CACNA2D3: variants seen among roughly 807,000 people sequenced by gnomAD.
The protein encoded by CACNA2D3 is voltage-dependent calcium channel subunit alpha-2/delta-3.
CACNA2D3 carries 60 observed loss-of-function variants against 160.6 expected under a neutral mutation model. That is an observed-to-expected ratio of 0.37 (90% CI 0.30 to 0.46). The LOEUF is 0.46. CACNA2D3 is among the 20% of genes least tolerant of loss of function. The probability of loss-of-function intolerance (pLI) is 1.00; values close to 1 mark genes in which losing one functional copy is unlikely to be tolerated. For missense variants in CACNA2D3, 1,205 were observed against 1,365.0 expected, an observed-to-expected ratio of 0.88 and a Z score of 1.85; for synonymous variants, 558 against 492.9, an observed-to-expected ratio of 1.13 and a Z score of -1.75.
chr3:54,930,049 A>T (rs893657225), intron 27 of CACNA2D3, among the ~76,000 whole-genome samples: 2 of 152,208 alleles, frequency 1.3e-5, no homozygotes, highest in African/African-American at 4.8e-5. Context: ...CATTGCAATT[A>T]TTGGACTCTG....
At chr3:54,286,544 G>T (rs1703032079) in intron 2 of CACNA2D3, among the ~76,000 whole-genome samples, 1 of 152,140 alleles carries the variant, frequency 6.6e-6, no homozygotes, top group Non-Finnish European at 1.5e-5. Flanking sequence ...ATCTAGCAAG[G>T]CAGGCCAATA....
chr3:54,192,597 C>T (rs1328052788), intron 2 of CACNA2D3, among the ~76,000 whole-genome samples: 1 of 152,056 alleles, frequency 6.6e-6, no homozygotes, highest in Non-Finnish European at 1.5e-5. Context: ...CTGTTTTTTT[C>T]TCCTGTAAAG....
intron 14 of CACNA2D3, among the ~76,000 whole-genome samples, chr3:54,824,030 T>G (rs1473469624): frequency 6.6e-6 from 1 of 151,976 alleles, no homozygotes; most frequent in African/African-American, 2.4e-5. Flanking sequence ...TCCCAAGAAA[T>G]AAACAAATGA....
At chr3:54,189,867 A>G (rs1700948482) in intron 2 of CACNA2D3, among the ~76,000 whole-genome samples, 1 of 152,198 alleles carries the variant, frequency 6.6e-6, no homozygotes, top group South Asian at 2.1e-4. Context: ...ATTAAAGTTA[A>G]TGAGTACACA....
chr3:54,960,135 C>G lies in CACNA2D3; in HGVS notation c.2450-8315C>G, dbSNP rs558409704. On this transcript the variant is annotated intron_variant, in intron 27 of 37. Transcript: ENST00000474759. ...GAAATGTGTGGCCAAATGGATCAGG[C>G]CTTCCTACACTGGTTCCCAGAAGCC... Among the ~76,000 whole-genome samples the G allele has an allele frequency of 2.0e-5, 3 of 151,572 alleles. No homozygotes were observed. In the South Asian group the frequency reaches 6.3e-4, roughly 32 times the overall value.
intron 17 of CACNA2D3, among the ~76,000 whole-genome samples, chr3:54,868,154 C>T (rs1290513959): frequency 6.6e-6 from 1 of 152,152 alleles, no homozygotes. Context: ...AGCTCTTGGC[C>T]TGTTATATCT....
chr3:54,738,325 C>G (rs1701573881), intron 11 of CACNA2D3, among the ~76,000 whole-genome samples: 1 of 152,132 alleles, frequency 6.6e-6, no homozygotes, highest in South Asian at 2.1e-4. Flanking sequence ...AGGAAAAGCT[C>G]TAGTCTCCCA....
At position 54,174,210 on chromosome 3, in the gene CACNA2D3, A is replaced by G. The variant is rs993730702; in HGVS notation, c.204+50616A>G. Among the ~76,000 whole-genome samples, 5 of 152,186 alleles carry G rather than the reference A, an allele frequency of 3.3e-5. No individual in the cohort carries two copies. In the South Asian group the frequency reaches 8.3e-4, roughly 25 times the overall value. Reference sequence around the variant, plus strand: ...TATGGCCCCATGGAGGAATTTGGCCATAGTTTGCTGATCCCTGCTGTAGGA... The same window carrying G: ...TATGGCCCCATGGAGGAATTTGGCCGTAGTTTGCTGATCCCTGCTGTAGGA... On this transcript the variant is annotated intron_variant, in intron 2 of 37. Coordinates refer to ENST00000474759, the MANE Select transcript of CACNA2D3 (RefSeq NM_018398.3).
At chr3:54,696,305 T>G (rs1700665795) in intron 11 of CACNA2D3, among the ~76,000 whole-genome samples, 1 of 152,112 alleles carries the variant, frequency 6.6e-6, no homozygotes, top group African/African-American at 2.4e-5. Context: ...GTCCCCCCAT[T>G]CCAGCAGCAG....
chr3:54,305,074 C>T (rs1031763624), intron 2 of CACNA2D3, among the ~76,000 whole-genome samples: 7 of 152,268 alleles, frequency 4.6e-5, no homozygotes, highest in African/African-American at 1.7e-4. Context: ...CAGCTGTGGA[C>T]AAAGGCCAGG....
intron 2 of CACNA2D3, among the ~76,000 whole-genome samples, chr3:54,157,606 A>G (rs1387530649): frequency 6.6e-6 from 1 of 152,108 alleles, no homozygotes; most frequent in Non-Finnish European, 1.5e-5. Context: ...CCTGACCAAC[A>G]TGGAGAATCC....
At chr3:54,136,127 G>A (rs1350779604) in intron 2 of CACNA2D3, among the ~76,000 whole-genome samples, 1 of 152,182 alleles carries the variant, frequency 6.6e-6, no homozygotes, top group African/African-American at 2.4e-5. Flanking sequence ...AATTGCATTT[G>A]AGCCTGAATT....
intron 35 of CACNA2D3, among the ~76,000 whole-genome samples, chr3:55,043,554 A>G (rs1704007116): frequency 6.6e-6 from 1 of 152,050 alleles, no homozygotes; most frequent in Non-Finnish European, 1.5e-5. Context: ...TGTATATTCT[A>G]GATACAAATC....
At chr3:54,304,829 A>G (rs1703560378) in intron 2 of CACNA2D3, among the ~76,000 whole-genome samples, 1 of 152,180 alleles carries the variant, frequency 6.6e-6, no homozygotes, top group Non-Finnish European at 1.5e-5. Context: ...AAATTTAGAA[A>G]ACTGGAAAAA....
At chr3:54,443,116 A>G (rs1489851244) in intron 4 of CACNA2D3, among the ~76,000 whole-genome samples, 2 of 152,206 alleles carry the variant, frequency 1.3e-5, no homozygotes, top group African/African-American at 2.4e-5. Flanking sequence ...TAATGGAGAA[A>G]GTAGCAAAGG....
chr3:54,471,735 C>T lies in CACNA2D3; in HGVS notation c.382-31757C>T, dbSNP rs149685380. On this transcript the variant is annotated intron_variant, in intron 4 of 37. Coordinates refer to ENST00000474759, the MANE Select transcript of CACNA2D3 (RefSeq NM_018398.3). Reference sequence around the variant, plus strand: ...AAAGGGGATATCACCGCTGATCCCACAGAAATATAAACTACCATCAGAGAA... The same window carrying T: ...AAAGGGGATATCACCGCTGATCCCATAGAAATATAAACTACCATCAGAGAA... 3.8e-3 allele frequency among the ~76,000 whole-genome samples: 580 copies of T among 152,250 alleles called. 7 individuals carry two copies. Among genetic ancestry groups the T allele is most frequent in the South Asian group, 0.02 (96 of 4,828 alleles).
intron 29 of CACNA2D3, among the ~76,000 whole-genome samples, chr3:54,981,369 C>A (rs2107096264): frequency 6.6e-6 from 1 of 152,250 alleles, no homozygotes; most frequent in African/African-American, 2.4e-5. Context: ...TAAGACTAGC[C>A]TCACAAATCC....
chr3:54,971,550 T>C (rs1231156487), intron 29 of CACNA2D3, among the ~76,000 whole-genome samples: 1 of 152,160 alleles, frequency 6.6e-6, no homozygotes, highest in Non-Finnish European at 1.5e-5. Flanking sequence ...CATTGGTTGG[T>C]TGGTTACGTA....
intron 6 of CACNA2D3, among the ~76,000 whole-genome samples, chr3:54,564,088 G>A (rs1279993475): frequency 6.6e-6 from 1 of 152,194 alleles, no homozygotes; most frequent in Non-Finnish European, 1.5e-5. Context: ...AGCAAATCTG[G>A]TGCAGATATT....
Sources: gnomAD v4.1 joint callset for allele counts (sites outside exome capture counted in the v4.1 genomes callset) on GRCh38, gnomAD v4.1.1 for gene constraint, MANE v1.5 for transcripts, NCBI Gene and HGNC (gene_info 2026-07-23, HGNC 2026-07-21) for gene names.